The following MYO3B variants were observed in gnomAD, a reference collection of about 807,000 sequenced individuals.
MYO3B encodes myosin IIIB.
A neutral mutation model predicts 174.6 loss-of-function variants in MYO3B; 156 were observed. The ratio of observed to expected loss-of-function variants is 0.89; its 90% CI spans 0.78 to 1.02. The LOEUF is 1.02. MYO3B is among the 50% of genes least tolerant of loss of function. The pLI, the probability that MYO3B is intolerant of heterozygous loss-of-function variation, is 0.00. For missense variants in MYO3B, 1,632 were observed against 1,639.4 expected (o/e 1.00, Z 0.08); for synonymous variants, 563 against 569.1 (o/e 0.99, Z 0.15).
intron 22 of MYO3B, among the ~76,000 whole-genome samples, chr2:170,440,572 G>A (rs1194044163): frequency 2.6e-5 from 4 of 151,656 alleles, no homozygotes; most frequent in Admixed American, 2.6e-4. Context: ...TTTTTGAATA[G>A]TTCATTTTTA....
At chr2:170,368,242 A>G (rs1042537501) in intron 8 of MYO3B, among the ~76,000 whole-genome samples, 2 of 152,234 alleles carry the variant, frequency 1.3e-5, no homozygotes, top group Admixed American at 6.5e-5. Flanking sequence ...TGAGAAAACT[A>G]AAGACGTTTA....
At chr2:170,625,011 A>G (rs1696281399) in intron 32 of MYO3B, among the ~76,000 whole-genome samples, 2 of 152,200 alleles carry the variant, frequency 1.3e-5, no homozygotes, top group Non-Finnish European at 2.9e-5. Flanking sequence ...CATCAGGGAT[A>G]TTGGTCTAAA....
rs1699128673 is a variant in MYO3B, at chr2:170,653,389, G to A, written c.*268G>A. On this transcript the variant is annotated 3_prime_UTR_variant, in exon 35 of 35. Coordinates refer to ENST00000408978, the MANE Select transcript of MYO3B (RefSeq NM_138995.5). The stretch of plus-strand genomic sequence containing the variant: ...GGACACTGAGAACACCTTTACAATA[G>A]TTTAAACAGTCATTCATGCCCCCAG... 6.9e-6 allele frequency: 3 copies of A among 431,720 alleles called. No homozygotes were observed. The highest frequency in any genetic ancestry group is 3.6e-5 in the Admixed American group (1 of 27,526). The allele number at this position is 431,720 out of a possible 1,614,324, so 26.7% of individuals were successfully genotyped here.
At position 170,369,218 on chromosome 2, in the gene MYO3B, A is replaced by T. The variant is rs745784666; in HGVS notation, c.816-4A>T. On this transcript the variant is annotated splice_region_variant and splice_polypyrimidine_tract_variant and intron_variant, in intron 8 of 34. Transcript: ENST00000408978. The stretch of plus-strand genomic sequence containing the variant: ...TTGGATTGTTTGTTGGTTTTTGCAA[A>T]CAGGTGTCTTATTAAGGATTTTGAA... The T allele has an allele frequency of 6.2e-7, 1 of 1,611,158 alleles. No individual in the cohort carries two copies. Among genetic ancestry groups the T allele is most frequent in the Non-Finnish European group, 8.5e-7 (1 of 1,178,020 alleles).
chr2:170,285,363 G>T (rs1008166578), intron 7 of MYO3B, among the ~76,000 whole-genome samples: 2 of 113,116 alleles, frequency 1.8e-5, no homozygotes, highest in African/African-American at 6.4e-5. Flanking sequence ...TCTTCTGTCA[G>T]TCTGTGACCT....
At chr2:170,436,850 T>C (rs138634378) in intron 22 of MYO3B, among the ~76,000 whole-genome samples, 1,629 of 152,286 alleles carry the variant, frequency 0.011, 10 homozygotes, top group South Asian at 0.033. Context: ...CTTTCATAGT[T>C]TTTTTGACTA....
Position 170,588,482 on chromosome 2 carries a change from A to C in MYO3B, c.3733+44494A>C, listed in dbSNP as rs531379872. Among the ~76,000 whole-genome samples the C allele has an allele frequency of 1.4e-4, 22 of 152,280 alleles. No homozygotes were observed. The East Asian group carries it at 2.5e-3, about 17-fold the overall frequency. On this transcript the variant is annotated intron_variant, in intron 32 of 34. Transcript: ENST00000408978. ...CACAGTGCCAGTGTACTACAGGAGC[A>C]ATAAGAAGTCAGGGTTGACTCAACT...
intron 22 of MYO3B, among the ~76,000 whole-genome samples, chr2:170,412,636 G>GT (rs2094553064): frequency 6.6e-6 from 1 of 152,182 alleles, no homozygotes; most frequent in Non-Finnish European, 1.5e-5. Flanking sequence ...CTTGCAGTCA[G>GT]TTTTCCGAGT....
chr2:170,634,172 C>A (rs1575305113), intron 32 of MYO3B, among the ~76,000 whole-genome samples: 1 of 152,064 alleles, frequency 6.6e-6, no homozygotes, highest in South Asian at 2.1e-4. Flanking sequence ...CAATCCTAAG[C>A]CAAAAAAACA....
At chr2:170,279,580 C>A (rs905805744) in intron 7 of MYO3B, among the ~76,000 whole-genome samples, 1 of 151,992 alleles carries the variant, frequency 6.6e-6, no homozygotes, top group African/African-American at 2.4e-5. Flanking sequence ...AAGCCCAGTA[C>A]CCAATAGTTA....
At chr2:170,374,760 C>A (rs1163934380) in intron 9 of MYO3B, among the ~76,000 whole-genome samples, 1 of 35,064 alleles carries the variant, frequency 2.9e-5, no homozygotes, top group Non-Finnish European at 7.0e-5. Flanking sequence ...TGCATACATA[C>A]ACACACACAC....
At chr2:170,289,659 A>G (rs79496515) in intron 7 of MYO3B, among the ~76,000 whole-genome samples, 4,241 of 151,612 alleles carry the variant, frequency 0.028, 83 homozygotes, top group Non-Finnish European at 0.041. Context: ...CAAACTTTTC[A>G]TTTCCTTGAC....
At chr2:170,216,378 A>C (rs1369093274) in intron 5 of MYO3B, among the ~76,000 whole-genome samples, 1 of 152,174 alleles carries the variant, frequency 6.6e-6, no homozygotes, top group African/African-American at 2.4e-5. Flanking sequence ...CTTAAGAAGA[A>C]CCCTCCGTGT....
chr2:170,548,189 A>C (rs561980610), intron 32 of MYO3B, among the ~76,000 whole-genome samples: 5 of 151,918 alleles, frequency 3.3e-5, no homozygotes, highest in Admixed American at 3.3e-4. Context: ...CACCATGTAA[A>C]TATCTAAGAG....
intron 25 of MYO3B, among the ~76,000 whole-genome samples, chr2:170,482,238 C>G: frequency 6.6e-6 from 1 of 152,050 alleles, no homozygotes; most frequent in South Asian, 2.1e-4. Context: ...TCACTGCAAC[C>G]TCTCCCTCCA....
At chr2:170,484,865 TACAC>T (rs1288675016) in intron 25 of MYO3B, among the ~76,000 whole-genome samples, 3 of 152,202 alleles carry the variant, frequency 2.0e-5, no homozygotes. Context: ...TGAATTTTTA[TACAC>T]ACAAAGGGGA....
chr2:170,503,800 C>A (rs1687439494), intron 28 of MYO3B, among the ~76,000 whole-genome samples: 1 of 152,120 alleles, frequency 6.6e-6, no homozygotes, highest in African/African-American at 2.4e-5. Context: ...CCACCTCTGC[C>A]CTCTTAGAAG....
At chr2:170,497,080 A>G (rs1686896951) in intron 25 of MYO3B, among the ~76,000 whole-genome samples, 1 of 152,118 alleles carries the variant, frequency 6.6e-6, no homozygotes, top group Non-Finnish European at 1.5e-5. Flanking sequence ...TAGGAAGGTC[A>G]CTCTCACGTT....
chr2:170,488,069 G>A (rs1686183962), intron 25 of MYO3B, among the ~76,000 whole-genome samples: 1 of 152,182 alleles, frequency 6.6e-6, no homozygotes, highest in Non-Finnish European at 1.5e-5. Context: ...ACCATGTTAT[G>A]CCTATTTTGG....
Sources: allele counts gnomAD v4.1 joint callset (sites outside exome capture counted in the v4.1 genomes callset), GRCh38; gene constraint gnomAD v4.1.1; transcripts MANE v1.5; gene names NCBI Gene and HGNC (gene_info 2026-07-23, HGNC 2026-07-21).